Variants in PRKCH observed in about 807,000 individuals in gnomAD.
The protein encoded by PRKCH is protein kinase C eta type.
In PRKCH, 28 loss-of-function variants were observed where a neutral mutation model predicts 82.5. The ratio of observed to expected loss-of-function variants is 0.34; its 90% CI spans 0.25 to 0.47. PRKCH has a LOEUF of 0.47. PRKCH is among the 20% of genes least tolerant of loss of function. The pLI is 1.00. For missense variants in PRKCH, 705 were observed against 881.8 expected (o/e 0.80, Z 2.54); for synonymous variants, 322 against 327.4 (o/e 0.98, Z 0.18).
In PRKCH at chr14:61,210,161, T is replaced by TATATATATATAA. The variant is rs1555369165; in HGVS notation, c.-19+22494_-19+22495insTATATATATAAA. Among the ~76,000 whole-genome samples, 54 of 95,192 alleles carry TATATATATATAA rather than the reference T, an allele frequency of 5.7e-4. 1 individual carries two copies. Among genetic ancestry groups the TATATATATATAA allele is most frequent in the Non-Finnish European group, 9.0e-4 (41 of 45,662 alleles). 62.4% of individuals were successfully genotyped at this position (95,192 alleles called of 152,430 possible). On this transcript the variant is annotated intron_variant, in intron 1 of 3. Transcript: ENST00000555185. ...ATATATATATATATATATATATATA[T>TATATATATATAA]AAATTAGCTTGGCATAGTGGCAGGC... is the stretch of plus-strand genomic sequence containing the variant.
intron 1 of PRKCH, among the ~76,000 whole-genome samples, chr14:61,223,867 C>A (rs1398133419): frequency 6.6e-6 from 1 of 152,212 alleles, no homozygotes; most frequent in East Asian, 1.9e-4. Context: ...TCATTTGCAA[C>A]TGGCAACCTT....
intron 1 of PRKCH, among the ~76,000 whole-genome samples, chr14:61,338,903 T>G (rs959526404): frequency 1.3e-5 from 2 of 152,330 alleles, no homozygotes; most frequent in Admixed American, 6.5e-5. Flanking sequence ...AAATCATGAT[T>G]CTGAAAAATT....
intron 2 of PRKCH, among the ~76,000 whole-genome samples, chr14:61,434,460 A>G (rs1883579150): frequency 6.6e-6 from 1 of 152,212 alleles, no homozygotes; most frequent in Admixed American, 6.5e-5. Context: ...AAAAAAAAAC[A>G]CCAAAAAGGA....
intron 1 of PRKCH, among the ~76,000 whole-genome samples, chr14:61,194,997 G>C (rs983331396): frequency 4.6e-5 from 7 of 152,220 alleles, no homozygotes; most frequent in Non-Finnish European, 1.0e-4. Context: ...GCCTCTCAAA[G>C]TGCTGAGATT....
chr14:61,471,605 G>C (rs1475310628), intron 9 of PRKCH, among the ~76,000 whole-genome samples: 1 of 151,422 alleles, frequency 6.6e-6, no homozygotes, highest in African/African-American at 2.4e-5. Flanking sequence ...TCACCTTCTT[G>C]ACCCTCACCA....
At chr14:61,414,140 GTT>G (rs1882431271) in intron 2 of PRKCH, among the ~76,000 whole-genome samples, 1 of 152,024 alleles carries the variant, frequency 6.6e-6, no homozygotes, top group Non-Finnish European at 1.5e-5. Flanking sequence ...CTGGTCATCT[GTT>G]TCAGTCTGGG....
Position 61,391,236 on chromosome 14 carries a change from G to A in PRKCH, c.375G>A (p.Glu125=). 1 of 1,610,324 alleles carries A rather than the reference G, an allele frequency of 6.2e-7. No individual in the cohort carries two copies. Among genetic ancestry groups the A allele is most frequent in the Non-Finnish European group, 8.5e-7 (1 of 1,178,348 alleles). ...SDTFEGWVDL[E]PEGKVFVVIT... ...TTTTCTCTTTGTAGGTGGATCTCGAGCCAGAGGGGAAAGTATTTGTGGTAA... is the reference window on the plus strand; with the variant it reads ...TTTTCTCTTTGTAGGTGGATCTCGAACCAGAGGGGAAAGTATTTGTGGTAA... Residue 125 remains glutamate (E), a synonymous_variant, in exon 2 of 14, where the codon GAG becomes GAA. Transcript: ENST00000332981.
intron 10 of PRKCH, among the ~76,000 whole-genome samples, chr14:61,494,757 C>T (rs532359264): frequency 1.3e-5 from 2 of 152,258 alleles, no homozygotes; most frequent in South Asian, 2.1e-4. Flanking sequence ...GCCTGAATAA[C>T]AGGTAATTCT....
At chr14:61,420,359 G>A (rs899680370) in intron 2 of PRKCH, among the ~76,000 whole-genome samples, 3 of 152,066 alleles carry the variant, frequency 2.0e-5, no homozygotes, top group African/African-American at 7.3e-5. Flanking sequence ...AAGTGTTGTT[G>A]GAGCCTGTCC....
intron 2 of PRKCH, among the ~76,000 whole-genome samples, chr14:61,435,904 G>A (rs757750762): frequency 3.9e-5 from 6 of 152,172 alleles, no homozygotes; most frequent in Non-Finnish European, 8.8e-5. Context: ...TAAGAAAGAC[G>A]ATTATAGAGA....
intron 10 of PRKCH, among the ~76,000 whole-genome samples, chr14:61,498,075 C>T (rs1287371204): frequency 2.0e-5 from 3 of 152,098 alleles, no homozygotes; most frequent in Non-Finnish European, 4.4e-5. Context: ...AGTGCAGTGG[C>T]TTGATCTCAG....
chr14:61,231,791 T>A (rs2044746925), intron 1 of PRKCH, among the ~76,000 whole-genome samples: 1 of 152,030 alleles, frequency 6.6e-6, no homozygotes, highest in South Asian at 2.1e-4. Flanking sequence ...AAAATACAAA[T>A]CTGTTTAGAC....
chr14:61,229,663 G>C (rs2044724959), intron 1 of PRKCH, among the ~76,000 whole-genome samples: 2 of 152,168 alleles, frequency 1.3e-5, no homozygotes, highest in South Asian at 4.1e-4. Flanking sequence ...GATTGGAAAG[G>C]AAACTTTTCC....
chr14:61,404,084 TAAC>T, intron 2 of PRKCH, among the ~76,000 whole-genome samples: 1 of 152,340 alleles, frequency 6.6e-6, no homozygotes, highest in South Asian at 2.1e-4. Context: ...CTTTCCCTAA[TAAC>T]ACCCTGTGTC....
At chr14:61,198,261 C>A (rs1292118059) in intron 1 of PRKCH, among the ~76,000 whole-genome samples, 1 of 152,154 alleles carries the variant, frequency 6.6e-6, no homozygotes, top group African/African-American at 2.4e-5. Context: ...ATACATTGTC[C>A]TTCATGATGT....
intron 10 of PRKCH, among the ~76,000 whole-genome samples, chr14:61,501,093 G>A (rs113038939): frequency 3.3e-5 from 5 of 152,192 alleles, no homozygotes; most frequent in African/African-American, 9.6e-5. Flanking sequence ...CTAAGCCTCC[G>A]TTTCTTAATC....
At chr14:61,506,380 A>T (rs2245521) in intron 10 of PRKCH, among the ~76,000 whole-genome samples, 2 of 152,168 alleles carry the variant, frequency 1.3e-5, no homozygotes, top group East Asian at 3.9e-4. Context: ...TGGGGTTGTG[A>T]GTCCCAGCTC....
intron 1 of PRKCH, among the ~76,000 whole-genome samples, chr14:61,301,964 T>A (rs1388120298): frequency 6.6e-6 from 1 of 152,234 alleles, no homozygotes; most frequent in African/African-American, 2.4e-5. Flanking sequence ...TCTCTCATGT[T>A]CTCTTTCAGT....
chr14:61,496,144 G>A (rs1886658698), intron 10 of PRKCH, among the ~76,000 whole-genome samples: 2 of 152,184 alleles, frequency 1.3e-5, no homozygotes, highest in Admixed American at 1.3e-4. Context: ...GAGGGCCCAA[G>A]CCTTTTTGTT....
Sources: gnomAD v4.1 joint callset for allele counts (sites outside exome capture counted in the v4.1 genomes callset) on GRCh38, gnomAD v4.1.1 for gene constraint, MANE v1.5 for transcripts, NCBI Gene and HGNC (gene_info 2026-07-23, HGNC 2026-07-21) for gene names.